Variants in AIG1 observed in about 807,000 individuals in gnomAD.
The protein encoded by AIG1 is androgen induced 1, also known as androgen-induced gene 1 protein.
In AIG1, 23 loss-of-function variants were observed where a neutral mutation model predicts 31.4. The ratio of observed to expected loss-of-function variants is 0.73; its 90% CI spans 0.53 to 1.04. The LOEUF is 1.04. Ranked by LOEUF, AIG1 falls within the 50% of genes least tolerant of loss-of-function variation. The probability of loss-of-function intolerance (pLI) is 0.00; values close to 1 mark genes in which losing one functional copy is unlikely to be tolerated. For synonymous variants in AIG1, 100 were observed against 110.5 expected (o/e 0.90, Z 0.60); for missense variants, 274 against 295.0 (o/e 0.93, Z 0.52).
At chr6:143,203,461 A>T (rs1465048497) in intron 3 of AIG1, among the ~76,000 whole-genome samples, 1 of 152,176 alleles carries the variant, frequency 6.6e-6, no homozygotes, top group Non-Finnish European at 1.5e-5. Context: ...TAATTTCAAG[A>T]TGCATGTAAA....
chr6:143,140,570 G>T (rs1754855748), intron 2 of AIG1, among the ~76,000 whole-genome samples: 1 of 152,158 alleles, frequency 6.6e-6, no homozygotes, highest in South Asian at 2.1e-4. Context: ...TCTCCCTGGA[G>T]CAATGCCACA....
chr6:143,165,164 G>A lies in AIG1; in HGVS notation c.380G>A (p.Gly127Glu), dbSNP rs1423551061. The A allele has an allele frequency of 6.2e-7, 1 of 1,613,036 alleles. No individual in the cohort carries two copies. The highest frequency in any genetic ancestry group is 1.1e-5 in the South Asian group (1 of 91,056). The change falls in exon 3 of 6, where the codon GGG becomes GAG. Residue 127 changes from glycine to glutamate, a missense_variant. Gly to Glu is a moderately conservative substitution (Grantham distance 98). Coordinates refer to ENST00000357847, the MANE Select transcript of AIG1 (RefSeq NM_016108.4). Reference sequence around the variant, plus strand: ...AAGCTGCTGGATAATTTTATCCCAGGGTGGCTGAATCACGGAATGGTGAGT... The same window carrying A: ...AAGCTGCTGGATAATTTTATCCCAGAGTGGCTGAATCACGGAATGGTGAGT... Reference protein sequence around the residue: ...YPKLLDNFIPGWLNHGMHTTV... With the variant: ...YPKLLDNFIPEWLNHGMHTTV...
intron 1 of AIG1, among the ~76,000 whole-genome samples, chr6:143,099,274 A>C (rs1780045672): frequency 6.6e-6 from 1 of 152,192 alleles, no homozygotes; most frequent in Non-Finnish European, 1.5e-5. Context: ...TATTGTAAAG[A>C]TCAAAGAGCT....
chr6:143,127,416 A>G (rs1782786270), intron 1 of AIG1, among the ~76,000 whole-genome samples: 1 of 152,190 alleles, frequency 6.6e-6, no homozygotes, highest in Non-Finnish European at 1.5e-5. Context: ...AGACAAATCT[A>G]TGGTGTTCTT....
intron 3 of AIG1, among the ~76,000 whole-genome samples, chr6:143,225,858 A>T (rs1454021945): frequency 6.6e-6 from 1 of 152,206 alleles, no homozygotes; most frequent in Admixed American, 6.5e-5. Context: ...GAATTTGTAT[A>T]TATTTTAATG....
At chr6:143,178,485 C>CTAA (rs1344185784) in intron 3 of AIG1, among the ~76,000 whole-genome samples, 1 of 152,204 alleles carries the variant, frequency 6.6e-6, no homozygotes, top group Non-Finnish European at 1.5e-5. Context: ...GGGCTCTCCT[C>CTAA]TTATTAGGAC....
Position 143,330,483 on chromosome 6 carries a change from C to T in AIG1, c.516-2799C>T, listed in dbSNP as rs143886844. On this transcript the variant is annotated intron_variant, in intron 4 of 5. Transcript: ENST00000357847. The surrounding 1 kb of genome is among the most constrained non-coding windows in gnomAD (Gnocchi z 4.4). Reference sequence around the variant, plus strand: ...GGAGGCAGAGAGAGCTTAGAGTGTTCGAGGAACACCAAGGAGTTGATGGGC... The same window carrying T: ...GGAGGCAGAGAGAGCTTAGAGTGTTTGAGGAACACCAAGGAGTTGATGGGC... Among the ~76,000 whole-genome samples, 4 of 151,932 alleles carry T rather than the reference C, an allele frequency of 2.6e-5. No individual in the cohort carries two copies. The highest frequency in any genetic ancestry group is 9.7e-5 in the African/African-American group (4 of 41,348).
chr6:143,161,997 ACT>A (rs1301683672), intron 2 of AIG1, among the ~76,000 whole-genome samples: 1 of 152,212 alleles, frequency 6.6e-6, no homozygotes, highest in East Asian at 1.9e-4. Context: ...AGGGAAAAAC[ACT>A]GTCTTTATTT....
intron 3 of AIG1, among the ~76,000 whole-genome samples, chr6:143,178,517 T>C (rs571791824): frequency 9.2e-5 from 14 of 152,288 alleles, no homozygotes; most frequent in African/African-American, 3.1e-4. Context: ...AGCATGGAAA[T>C]GTGGACTGCT....
intron 3 of AIG1, among the ~76,000 whole-genome samples, chr6:143,171,491 AT>A (rs1184615523): frequency 1.7e-4 from 21 of 122,228 alleles, no homozygotes; most frequent in Admixed American, 5.7e-4. Context: ...TATATTAAAT[AT>A]ATAATATATA....
intron 5 of AIG1, among the ~76,000 whole-genome samples, chr6:143,335,682 C>T (rs1021384251): frequency 2.0e-5 from 3 of 152,054 alleles, no homozygotes; most frequent in South Asian, 2.1e-4. Flanking sequence ...TGGCTGGGCA[C>T]GGTGGCTTAC....
downstream of AIG1, among the ~76,000 whole-genome samples, chr6:143,343,711 A>C (rs963817512): frequency 1.3e-5 from 2 of 152,074 alleles, no homozygotes; most frequent in Non-Finnish European, 2.9e-5. Flanking sequence ...GTGTGTGTGC[A>C]TGTGTTATAA....
At position 143,293,014 on chromosome 6, in the gene AIG1, C is replaced by T. The variant is rs4896632; in HGVS notation, c.515+8789C>T. On this transcript the variant is annotated intron_variant, in intron 4 of 5. Coordinates refer to ENST00000357847, the MANE Select transcript of AIG1 (RefSeq NM_016108.4). The surrounding 1 kb of genome is among the most constrained non-coding windows in gnomAD (Gnocchi z 4.8). ...CTTCCTCGGGTCTTTGAGCAAATTA[C>T]TTATCCTCTCTTAGCCTCATTGTTA... is the stretch of plus-strand genomic sequence containing the variant. Among the ~76,000 whole-genome samples the T allele has an allele frequency of 0.27, 41,440 of 151,988 alleles. 7,319 individuals carry two copies. The highest frequency in any genetic ancestry group is 0.5 in the African/African-American group (20,656 of 41,422).
chr6:143,184,610 C>T (rs1789058069), intron 3 of AIG1, among the ~76,000 whole-genome samples: 1 of 152,334 alleles, frequency 6.6e-6, no homozygotes, highest in South Asian at 2.1e-4. Flanking sequence ...GGTCCCGGAT[C>T]GGCCCCAGCT....
rs1776655124 is a variant in AIG1 at position 143,326,871 on chromosome 6, A to G, written c.516-6411A>G. On this transcript the variant is annotated intron_variant, in intron 4 of 5. Transcript: ENST00000357847. This position sits in a 1 kb window ranked among gnomAD's most constrained non-coding sequence, Gnocchi z 4.5. ...TGAAAGCCAGTGTGACAGGAATGCAAAGAGGAACAGGAGCAAGATATGGGA... is the reference window on the plus strand; with the variant it reads ...TGAAAGCCAGTGTGACAGGAATGCAGAGAGGAACAGGAGCAAGATATGGGA... Among the ~76,000 whole-genome samples the G allele has an allele frequency of 6.6e-6, 1 of 152,220 alleles. No individual in the cohort carries two copies. Among genetic ancestry groups the G allele is most frequent in the Non-Finnish European group, 1.5e-5 (1 of 68,026 alleles).
At chr6:143,140,895 G>C (rs1784190161) in intron 2 of AIG1, among the ~76,000 whole-genome samples, 1 of 152,194 alleles carries the variant, frequency 6.6e-6, no homozygotes, top group Admixed American at 6.5e-5. Flanking sequence ...TACAGGCGCA[G>C]AGCCTCAGCT....
At chr6:143,060,038 C>T (rs1776101968), upstream of AIG1, among the ~76,000 whole-genome samples, 1 of 152,208 alleles carries the variant, frequency 6.6e-6, no homozygotes, top group African/African-American at 2.4e-5. Flanking sequence ...AGGGGTTTTA[C>T]ATCCAAAATT....
upstream of AIG1, among the ~76,000 whole-genome samples, chr6:143,059,225 A>T (rs1016358227): frequency 6.6e-6 from 1 of 152,214 alleles, no homozygotes; most frequent in South Asian, 2.1e-4. Context: ...AACCCGCTCC[A>T]GTCCCCTTTC....
Position 143,069,014 on chromosome 6 carries a change from C to CT in AIG1, c.141+7961dup, listed in dbSNP as rs572412546. Among the ~76,000 whole-genome samples the CT allele has an allele frequency of 5.9e-3, 849 of 144,112 alleles. 8 individuals carry two copies. The highest frequency in any genetic ancestry group is 0.013 in the African/African-American group (533 of 39,550). The allele number at this position is 144,112 out of a possible 152,430, so 94.5% of individuals were successfully genotyped here. A position where few individuals can be genotyped will look rare whatever the true frequency, so the allele number is the denominator to read the frequency against. On this transcript the variant is annotated intron_variant, in intron 1 of 5. Coordinates refer to ENST00000357847, the MANE Select transcript of AIG1 (RefSeq NM_016108.4). The stretch of plus-strand genomic sequence containing the variant: ...CATCCACATACACTAAAATTTATTC[C>CT]TTTTTTTTTTTTTCTCTTGAAATGG...
Sources: allele counts gnomAD v4.1 joint callset (sites outside exome capture counted in the v4.1 genomes callset), GRCh38; gene constraint gnomAD v4.1.1; non-coding constraint Gnocchi (gnomAD v3.1); transcripts MANE v1.5; gene names NCBI Gene and HGNC (gene_info 2026-07-23, HGNC 2026-07-21).